Variants in CADPS2 observed in about 807,000 individuals in gnomAD.
CADPS2 encodes calcium dependent secretion activator 2, also known as calcium-dependent secretion activator 2.
Under a neutral mutation model 172.5 loss-of-function variants are expected in CADPS2, and 93 were observed. That is an observed-to-expected ratio of 0.54 (90% CI 0.46 to 0.64). The LOEUF (loss-of-function observed/expected upper bound fraction) is 0.64, where lower values mean the gene tolerates loss of function less well. Among genes scored for constraint, CADPS2 ranks in the 30% least tolerant of loss-of-function variants. CADPS2 has a pLI of 0.00. For synonymous variants in CADPS2, 546 were observed against 555.2 expected (o/e 0.98, Z 0.23); for missense variants, 1,420 against 1,565.9 (o/e 0.91, Z 1.57).
chr7:122,663,456 T>C lies in CADPS2; in HGVS notation c.567A>G (p.Pro189=), dbSNP rs2135382390. The C allele has an allele frequency of 6.2e-7, 1 of 1,613,976 alleles. No individual in the cohort carries two copies. The highest frequency in any genetic ancestry group is 8.5e-7 in the Non-Finnish European group (1 of 1,179,882). ...KNIEKRVRSL[P]EIDGLSKETV... is the part of the protein sequence containing the mutation. ...TCTCTTTGCTCAAGCCATCTATTTC[T>C]GGCAAACTCCGCACACGTTTTTCTA... Residue 189 remains proline, a synonymous_variant, in exon 3 of 30, where the codon CCA becomes CCG. Transcript: ENST00000449022.
At chr7:122,703,609 T>C (rs1400184122) in intron 2 of CADPS2, among the ~76,000 whole-genome samples, 1 of 152,122 alleles carries the variant, frequency 6.6e-6, no homozygotes, top group Non-Finnish European at 1.5e-5. Context: ...CCTACTCTTG[T>C]AGAGGCTAAG....
intron 1 of CADPS2, among the ~76,000 whole-genome samples, chr7:122,832,637 CACTGAAAGGT>C (rs1806932044): frequency 6.6e-6 from 1 of 152,134 alleles, no homozygotes; most frequent in South Asian, 2.1e-4. Flanking sequence ...CTGGCTTTAC[CACTGAAAGGT>C]AACAAAAGTA....
chr7:122,654,365 GAGA>G (rs1235914247), intron 3 of CADPS2, among the ~76,000 whole-genome samples: 1 of 152,210 alleles, frequency 6.6e-6, no homozygotes, highest in Non-Finnish European at 1.5e-5. Flanking sequence ...CATAGCTACT[GAGA>G]AGAAGTCAAT....
chr7:122,430,436 C>G (rs891472411), intron 17 of CADPS2, among the ~76,000 whole-genome samples: 5 of 152,140 alleles, frequency 3.3e-5, no homozygotes, highest in Admixed American at 1.3e-4. Context: ...CAAATTGATT[C>G]TTCTTTTAAA....
chr7:122,874,025 ATTTG>A (rs2141570677), intron 1 of CADPS2, among the ~76,000 whole-genome samples: 1 of 151,812 alleles, frequency 6.6e-6, no homozygotes, highest in South Asian at 2.1e-4. Flanking sequence ...TTTCTTGTAA[ATTTG>A]TTTAAGTTCT....
intron 9 of CADPS2, among the ~76,000 whole-genome samples, chr7:122,501,428 G>T (rs1035629968): frequency 6.6e-6 from 1 of 152,052 alleles, no homozygotes; most frequent in East Asian, 1.9e-4. Context: ...AAAAGAAAAT[G>T]AAATATTATA....
At chr7:122,839,944 G>T (rs1401057058) in intron 1 of CADPS2, among the ~76,000 whole-genome samples, 2 of 152,148 alleles carry the variant, frequency 1.3e-5, no homozygotes, top group Non-Finnish European at 2.9e-5. Flanking sequence ...ATACCCAAAG[G>T]ATTATAAATC....
chr7:122,396,574 T>C (rs2045163935), intron 20 of CADPS2, among the ~76,000 whole-genome samples: 1 of 152,182 alleles, frequency 6.6e-6, no homozygotes, highest in African/African-American at 2.4e-5. Context: ...CCAAGACCTG[T>C]CTACAAGTTA....
At chr7:122,596,058 CCAGA>C (rs1262546574) in intron 6 of CADPS2, among the ~76,000 whole-genome samples, 1 of 152,070 alleles carries the variant, frequency 6.6e-6, no homozygotes, top group African/African-American at 2.4e-5. Context: ...TCTTCACAGG[CCAGA>C]CAGTCACTGC....
chr7:122,795,430 A>C (rs1204048185), intron 1 of CADPS2, among the ~76,000 whole-genome samples: 1 of 152,108 alleles, frequency 6.6e-6, no homozygotes, highest in African/African-American at 2.4e-5. Flanking sequence ...CCCTGAACAG[A>C]CCAATAATGA....
At chr7:122,752,518 A>T (rs2092993016) in intron 1 of CADPS2, among the ~76,000 whole-genome samples, 1 of 152,346 alleles carries the variant, frequency 6.6e-6, no homozygotes, top group Admixed American at 6.5e-5. Context: ...TTGTTTGCAT[A>T]TTATAAGGAA....
At chr7:122,514,195 A>G (rs1455652775) in intron 8 of CADPS2, among the ~76,000 whole-genome samples, 1 of 152,164 alleles carries the variant, frequency 6.6e-6, no homozygotes. Context: ...TATTGCTAGA[A>G]GTTTAAAATA....
chr7:122,631,887 T>C (rs1203129200), intron 3 of CADPS2, among the ~76,000 whole-genome samples: 1 of 152,162 alleles, frequency 6.6e-6, no homozygotes, highest in Non-Finnish European at 1.5e-5. Context: ...TTCCCATCTT[T>C]ATATCTATGT....
At chr7:122,524,962 A>G (rs1159312080) in intron 8 of CADPS2, among the ~76,000 whole-genome samples, 2 of 152,094 alleles carry the variant, frequency 1.3e-5, no homozygotes, top group African/African-American at 4.8e-5. Flanking sequence ...AGCCTGGGCA[A>G]CATGGCAAAA....
At chr7:122,446,675 A>G (rs1196242265) in intron 15 of CADPS2, among the ~76,000 whole-genome samples, 1 of 152,156 alleles carries the variant, frequency 6.6e-6, no homozygotes, top group Non-Finnish European at 1.5e-5. Flanking sequence ...GACTCCAGGG[A>G]ATCATTTGCA....
At chr7:122,762,265 G>A (rs536382536) in intron 1 of CADPS2, among the ~76,000 whole-genome samples, 13 of 151,994 alleles carry the variant, frequency 8.6e-5, no homozygotes, top group South Asian at 6.2e-4. Flanking sequence ...CAAGCTGGGC[G>A]GCAGTCCAAC....
chr7:122,447,443 C>A (rs2052404453), intron 15 of CADPS2, among the ~76,000 whole-genome samples: 1 of 151,270 alleles, frequency 6.6e-6, no homozygotes, highest in Non-Finnish European at 1.5e-5. Context: ...CCAGTCAGAA[C>A]TGATTGCTCT....
At chr7:122,859,687 C>T (rs921752315) in intron 1 of CADPS2, among the ~76,000 whole-genome samples, 2 of 151,948 alleles carry the variant, frequency 1.3e-5, no homozygotes, top group African/African-American at 4.8e-5. Flanking sequence ...TCCATGGATG[C>T]TTGGGGCCCT....
intron 6 of CADPS2, among the ~76,000 whole-genome samples, chr7:122,611,702 T>C (rs2074313819): frequency 6.6e-6 from 1 of 151,996 alleles, no homozygotes; most frequent in East Asian, 1.9e-4. Context: ...AAGGGTCCAC[T>C]TAAAACTTAT....
Sources: gnomAD v4.1 joint callset for allele counts (sites outside exome capture counted in the v4.1 genomes callset) on GRCh38, gnomAD v4.1.1 for gene constraint, MANE v1.5 for transcripts, NCBI Gene and HGNC (gene_info 2026-07-23, HGNC 2026-07-21) for gene names.